Variants in HEPACAM2 observed in about 807,000 individuals in gnomAD.
HEPACAM2 encodes the protein mitotic kinetics regulator.
In HEPACAM2, 49 loss-of-function variants were observed where a neutral mutation model predicts 49.6. That is an observed-to-expected ratio of 0.99 (90% CI 0.78 to 1.25). The LOEUF (loss-of-function observed/expected upper bound fraction) is 1.25, where lower values mean the gene tolerates loss of function less well. Ranked by LOEUF, HEPACAM2 falls within the 50% of genes most tolerant of loss-of-function variation. The probability of loss-of-function intolerance (pLI) is 0.00; values close to 1 mark genes in which losing one functional copy is unlikely to be tolerated. For synonymous variants in HEPACAM2, 197 were observed against 202.9 expected (o/e 0.97, Z 0.25); for missense variants, 525 against 557.2 (o/e 0.94, Z 0.58).
Position 93,188,852 on chromosome 7 carries a change from T to A in HEPACAM2, c.*415A>T. Reference sequence around the variant, plus strand: ...AATAAAAATTTAATAAAACAAAGTCTGCTGAAAAATCGAACAATGTAAAGT... The same window carrying A: ...AATAAAAATTTAATAAAACAAAGTCAGCTGAAAAATCGAACAATGTAAAGT... On this transcript the variant is annotated 3_prime_UTR_variant, in exon 10 of 10. Coordinates refer to ENST00000394468, the MANE Select transcript of HEPACAM2 (RefSeq NM_001039372.4). 1 of 393,722 alleles carries A rather than the reference T, an allele frequency of 2.5e-6. No homozygotes were observed. Among genetic ancestry groups the A allele is most frequent in the Non-Finnish European group, 4.5e-6 (1 of 222,858 alleles). 24.4% of individuals were successfully genotyped at this position (393,722 alleles called of 1,614,324 possible).
chr7:93,192,931 T>G (rs1793593480), intron 8 of HEPACAM2, among the ~76,000 whole-genome samples: 1 of 152,148 alleles, frequency 6.6e-6, no homozygotes. Flanking sequence ...GTGGAAAGGA[T>G]AGTGTATTTA....
At chr7:93,193,308 G>A (rs531158318) in intron 8 of HEPACAM2, among the ~76,000 whole-genome samples, 1 of 152,044 alleles carries the variant, frequency 6.6e-6, no homozygotes, top group Non-Finnish European at 1.5e-5. Context: ...CTTAGTATAT[G>A]TGATTTCTTC....
chr7:93,188,933 A>G lies in HEPACAM2; in HGVS notation c.*334T>C. 2.4e-6 allele frequency: 1 copy of G among 412,508 alleles called. No individual in the cohort carries two copies. Among genetic ancestry groups the G allele is most frequent in the Non-Finnish European group, 4.3e-6 (1 of 233,814 alleles). 25.6% of individuals were successfully genotyped at this position (412,508 alleles called of 1,614,324 possible). A position where few individuals can be genotyped will look rare whatever the true frequency, so the allele number is the denominator to read the frequency against. The stretch of plus-strand genomic sequence containing the variant: ...TCAGTGTTGATGATAGTGAAAGTGT[A>G]GAGTAGAACTAATTGAGGTTTGTAG... On this transcript the variant is annotated 3_prime_UTR_variant, in exon 10 of 10. Coordinates refer to ENST00000394468, the MANE Select transcript of HEPACAM2 (RefSeq NM_001039372.4).
At position 93,197,547 on chromosome 7, in the gene HEPACAM2, G is replaced by A. The variant is rs748110400; in HGVS notation, c.1076C>T (p.Ser359Leu). The change falls in exon 5 of 10, where the codon TCA (serine) becomes TTA (leucine). Residue 359 changes from serine (S) to leucine (L), a missense_variant. Physicochemically the swap from Ser to Leu is moderately radical, Grantham distance 145 (BLOSUM62 -2). Coordinates refer to ENST00000394468, the MANE Select transcript of HEPACAM2 (RefSeq NM_001039372.4). ...ACACATGGATATAATCAAAAATAGT[G>A]ATATTCCAGTTATACTTGCTAAAGG... Reference protein sequence around the residue: ...LSPLASITGISLFLIISMCLL... With the variant: ...LSPLASITGILLFLIISMCLL... The A allele has an allele frequency of 5.0e-6, 8 of 1,595,624 alleles. No homozygotes were observed. The South Asian group carries it at 8.9e-5, about 18-fold the overall frequency.
chr7:93,193,720 C>T (rs1793613521), intron 8 of HEPACAM2, among the ~76,000 whole-genome samples: 1 of 152,084 alleles, frequency 6.6e-6, no homozygotes. Flanking sequence ...ACTACAGGTG[C>T]ACACCGTGGC....
intron 4 of HEPACAM2, among the ~76,000 whole-genome samples, chr7:93,199,567 T>C (rs1018674919): frequency 2.0e-5 from 3 of 152,170 alleles, no homozygotes; most frequent in South Asian, 4.1e-4. Context: ...ATTAGTATAA[T>C]GAGGAGGCAA....
intron 8 of HEPACAM2, 112 bp downstream of exon 8, chr7:93,195,716 A>G (rs1793695771): frequency 1.3e-6 from 1 of 776,014 alleles, no homozygotes; most frequent in Non-Finnish European, 2.2e-6. Flanking sequence ...TAATGCAGTA[A>G]TGGGTAATGC....
At chr7:93,211,451 G>T (rs1051731262) in intron 3 of HEPACAM2, among the ~76,000 whole-genome samples, 2 of 151,994 alleles carry the variant, frequency 1.3e-5, no homozygotes, top group African/African-American at 4.8e-5. Context: ...AGAACAGTGT[G>T]CTGTCAAATG....
intron 3 of HEPACAM2, among the ~76,000 whole-genome samples, chr7:93,210,032 A>G (rs985479905): frequency 1.3e-5 from 2 of 151,910 alleles, no homozygotes; most frequent in African/African-American, 2.4e-5. Context: ...GTAGCATTGT[A>G]CCATTTCTAT....
upstream of HEPACAM2, among the ~76,000 whole-genome samples, chr7:93,228,758 G>T (rs141782919): frequency 1.3e-3 from 205 of 152,188 alleles, no homozygotes; most frequent in Admixed American, 2.8e-3. Flanking sequence ...TATATCCACG[G>T]TGATTAAACT....
At position 93,195,882 on chromosome 7, in the gene HEPACAM2, A is replaced by G; in HGVS notation, c.1221T>C (p.Asp407=). The change falls in exon 8 of 10, where the codon GAT becomes GAC. Residue 407 remains aspartate (D), a synonymous_variant. Coordinates refer to ENST00000394468, the MANE Select transcript of HEPACAM2 (RefSeq NM_001039372.4). ...QTFSGHEDAL[D]DFGIYEFVAF... ...CAACAAATTCATATATTCCGAAGTC[A>G]TCCAGAGCATCTTCATGGCCTGAAA... 7 of 1,612,714 alleles carry G rather than the reference A, an allele frequency of 4.3e-6. No individual in the cohort carries two copies. The highest frequency in any genetic ancestry group is 5.9e-6 in the Non-Finnish European group (7 of 1,179,148).
At chr7:93,207,725 G>A (rs1794064979) in intron 4 of HEPACAM2, among the ~76,000 whole-genome samples, 1 of 151,772 alleles carries the variant, frequency 6.6e-6, no homozygotes. Flanking sequence ...GCAATTTTGG[G>A]GGAAAGAAGA....
intron 7 of HEPACAM2, among the ~76,000 whole-genome samples, chr7:93,196,212 G>A (rs1046104746): frequency 6.6e-6 from 1 of 152,058 alleles, no homozygotes; most frequent in African/African-American, 2.4e-5. Context: ...AGAGACTCAT[G>A]GTCACCAGGG....
At position 93,192,311 on chromosome 7, in the gene HEPACAM2, T is replaced by A. The variant is rs746368847; in HGVS notation, c.1328A>T (p.His443Leu). 12 of 1,612,790 alleles carry A rather than the reference T, an allele frequency of 7.4e-6. 1 individual carries two copies. The part of the protein sequence containing the change: ...ASDCVSGQDL[H>L]STVYEVIQHI... ...CTGAATAACTTCATACACTGTACTGTGCAAATCTTGCCCCGATACACAATC... is the reference window on the plus strand; with the variant it reads ...CTGAATAACTTCATACACTGTACTGAGCAAATCTTGCCCCGATACACAATC... Residue 443 changes from histidine to leucine, a missense_variant, in exon 9 of 10, where the codon CAC (histidine) becomes CTC (leucine). His to Leu is a moderately conservative substitution (Grantham distance 99). Transcript: ENST00000394468.
At chr7:93,218,891 A>G (rs1794378853) in intron 2 of HEPACAM2, among the ~76,000 whole-genome samples, 1 of 152,202 alleles carries the variant, frequency 6.6e-6, no homozygotes, top group Non-Finnish European at 1.5e-5. Context: ...TGCACTAGGT[A>G]TATCTCTTAT....
chr7:93,231,915 T>A, the HEPACAM2 span, among the ~76,000 whole-genome samples: 3 of 152,064 alleles, frequency 2.0e-5, no homozygotes, highest in Admixed American at 6.5e-5. Flanking sequence ...CCCGGGGTAG[T>A]CTCGAGTTCT....
At chr7:93,202,349 G>A (rs1245418777) in intron 4 of HEPACAM2, among the ~76,000 whole-genome samples, 1 of 151,870 alleles carries the variant, frequency 6.6e-6, no homozygotes, top group Non-Finnish European at 1.5e-5. Flanking sequence ...TACAGATAAA[G>A]AAAGAGTCTC....
intron 3 of HEPACAM2, among the ~76,000 whole-genome samples, chr7:93,212,460 T>C (rs996215512): frequency 2.0e-5 from 3 of 152,056 alleles, no homozygotes; most frequent in Non-Finnish European, 2.9e-5. Flanking sequence ...TTGCTTCTGA[T>C]ATGTTTCTTA....
chr7:93,230,345 G>A (rs1470848043), upstream of HEPACAM2, among the ~76,000 whole-genome samples: 1 of 152,164 alleles, frequency 6.6e-6, no homozygotes, highest in East Asian at 1.9e-4. Flanking sequence ...TTTACAGCAT[G>A]GATTTGACAT....
Sources: gnomAD v4.1 joint callset for allele counts (sites outside exome capture counted in the v4.1 genomes callset) on GRCh38, gnomAD v4.1.1 for gene constraint, MANE v1.5 for transcripts, NCBI Gene and HGNC (gene_info 2026-07-23, HGNC 2026-07-21) for gene names.